The following SPRY3 variants were observed in gnomAD, a reference collection of about 807,000 sequenced individuals.
SPRY3 encodes sprouty RTK signaling antagonist 3, also known as protein sprouty homolog 3.
SPRY3 carries 15 observed loss-of-function variants against 20.2 expected under a neutral mutation model. The ratio of observed to expected loss-of-function variants is 0.74; its 90% CI spans 0.50 to 1.14. The LOEUF (loss-of-function observed/expected upper bound fraction) is 1.14. Ranked by LOEUF, SPRY3 falls within the 50% of genes most tolerant of loss-of-function variation. The pLI is 0.00. For missense variants in SPRY3, 364 were observed against 363.9 expected, an observed-to-expected ratio of 1.00 and a Z score of 0.00; for synonymous variants, 143 against 136.5, an observed-to-expected ratio of 1.05 and a Z score of -0.33.
intron 2 of SPRY3, among the ~76,000 whole-genome samples, chrX:155,714,694 T>C (rs2091009609): frequency 6.6e-6 from 1 of 151,898 alleles, no homozygotes; most frequent in Non-Finnish European, 1.5e-5. Flanking sequence ...CAGGCATGTC[T>C]AGAGATGCTG....
intron 2 of SPRY3, chrX:155,767,739 A>AGAAGAGGAGGAGGAGAAAGAG (rs2091347644): frequency 4.1e-5 from 2 of 48,646 alleles, no homozygotes; most frequent in Admixed American, 7.5e-4. Flanking sequence ...AGGAGGAGAG[A>AGAAGAGGAGGAGGAGAAAGAG]GAGGAGGAGG....
chrX:155,749,385 G>C (rs1223899483), intron 2 of SPRY3, among the ~76,000 whole-genome samples: 1 of 151,738 alleles, frequency 6.6e-6, no homozygotes, highest in East Asian at 1.9e-4. Context: ...CAAGTGACAG[G>C]GGTGTGTGTA....
At chrX:155,618,385 C>T (rs972839524) in intron 1 of SPRY3, among the ~76,000 whole-genome samples, 2 of 110,126 alleles carry the variant, frequency 1.8e-5, no homozygotes, top group Admixed American at 1.9e-4. Context: ...AGTGGTGTTT[C>T]ATGGTATGTA....
chrX:155,660,631 G>T (rs2068006752), intron 2 of SPRY3, among the ~76,000 whole-genome samples: 1 of 111,200 alleles, frequency 9.0e-6, no homozygotes, highest in Non-Finnish European at 1.9e-5. Flanking sequence ...TTGAATTGCT[G>T]TCTATTGCAT....
chrX:155,673,562 C>T, intron 2 of SPRY3, among the ~76,000 whole-genome samples: 1 of 111,639 alleles, frequency 9.0e-6, no homozygotes, highest in Non-Finnish European at 1.9e-5. Context: ...CCCTTCCAGC[C>T]ACCCTGACTA....
At chrX:155,756,795 C>T (rs2091285100) in intron 2 of SPRY3, among the ~76,000 whole-genome samples, 1 of 152,022 alleles carries the variant, frequency 6.6e-6, no homozygotes, top group African/African-American at 2.4e-5. Flanking sequence ...GATACATACA[C>T]ACACAAATAC....
At chrX:155,756,073 T>C (rs2091282462) in intron 2 of SPRY3, among the ~76,000 whole-genome samples, 1 of 152,086 alleles carries the variant, frequency 6.6e-6, no homozygotes, top group Admixed American at 6.6e-5. Context: ...AGATTGGCTA[T>C]ATTTAGTACT....
chrX:155,778,199 T>C (rs2091441324), downstream of SPRY3: 1 of 167,096 alleles, frequency 6.0e-6, no homozygotes, highest in Non-Finnish European at 1.5e-5. Context: ...TATAGAAGGC[T>C]GGAGCACAGT....
chrX:155,748,658 G>A (rs921797239), intron 2 of SPRY3, among the ~76,000 whole-genome samples: 7 of 151,784 alleles, frequency 4.6e-5, no homozygotes, highest in African/African-American at 1.2e-4. Flanking sequence ...CTATCATATT[G>A]GGAATCAGGG....
intron 2 of SPRY3, among the ~76,000 whole-genome samples, chrX:155,767,075 C>G (rs924983262): frequency 8.5e-5 from 13 of 152,092 alleles, no homozygotes; most frequent in Admixed American, 2.6e-4. Context: ...CCCACCCCCA[C>G]GTTCCTTTAA....
downstream of SPRY3, chrX:155,780,740 T>C (rs2091458376): frequency 6.0e-6 from 1 of 166,938 alleles, no homozygotes; most frequent in African/African-American, 2.4e-5. Context: ...ATTTTTTTCT[T>C]AATGGAGGTG....
intron 2 of SPRY3, among the ~76,000 whole-genome samples, chrX:155,763,320 A>G (rs2056520986): frequency 6.6e-6 from 1 of 152,066 alleles, no homozygotes; most frequent in Non-Finnish European, 1.5e-5. Flanking sequence ...ATGCAATGGT[A>G]TCATATTCAA....
chrX:155,773,882 C>A, exon 4 of SPRY3: 2 of 1,613,172 alleles, frequency 1.2e-6, no homozygotes, highest in Non-Finnish European at 8.5e-7. Flanking sequence ...ATGGATGCTG[C>A]GGTGACAGAT....
chrX:155,697,698 T>A (rs2123999684), intron 2 of SPRY3, among the ~76,000 whole-genome samples: 1 of 109,029 alleles, frequency 9.2e-6, no homozygotes, highest in East Asian at 2.9e-4. Flanking sequence ...TGGAGAACGC[T>A]GACTAATGCA....
intron 2 of SPRY3, among the ~76,000 whole-genome samples, chrX:155,674,841 C>T (rs1408242861): frequency 1.8e-5 from 2 of 111,492 alleles, no homozygotes; most frequent in East Asian, 5.7e-4. Flanking sequence ...CTATGTCCAA[C>T]TCATCAACAA....
intron 2 of SPRY3, among the ~76,000 whole-genome samples, chrX:155,736,033 T>C (rs2091166847): frequency 6.6e-6 from 1 of 151,934 alleles, no homozygotes; most frequent in African/African-American, 2.4e-5. Context: ...TTACAACTAA[T>C]CTAAATCTAC....
At chrX:155,652,388 C>T (rs1393797900) in intron 1 of SPRY3, among the ~76,000 whole-genome samples, 1 of 110,990 alleles carries the variant, frequency 9.0e-6, no homozygotes, top group African/African-American at 3.3e-5. Context: ...CACCTTCCTT[C>T]ACCCCAGCCC....
intron 3 of SPRY3, among the ~76,000 whole-genome samples, chrX:155,772,596 T>C (rs1304554933): frequency 1.3e-5 from 2 of 152,130 alleles, no homozygotes; most frequent in African/African-American, 2.4e-5. Context: ...TTTCTTCATG[T>C]ACACCTTTTT....
At chrX:155,773,686 G>A in intron 3 of SPRY3, 80 bp from the exon 3 acceptor site, 1 of 641,528 alleles carries the variant, frequency 1.6e-6, no homozygotes, top group Non-Finnish European at 2.7e-6. Context: ...GGTGGTGATA[G>A]GGCCTGAGCT....
Sources: allele counts gnomAD v4.1 joint callset (sites outside exome capture counted in the v4.1 genomes callset), GRCh38; gene constraint gnomAD v4.1.1; transcripts MANE v1.5; gene names NCBI Gene and HGNC (gene_info 2026-07-23, HGNC 2026-07-21).